Variants in SMARCC1 observed in about 807,000 individuals in gnomAD.
The protein encoded by SMARCC1 is SWI/SNF related BAF chromatin remodeling complex subunit C1.
SMARCC1 carries 43 observed loss-of-function variants against 147.4 expected under a neutral mutation model. The observed-to-expected ratio is 0.29, with a 90% CI of 0.23 to 0.38. The LOEUF is 0.38. Ranked by LOEUF, SMARCC1 falls within the 10% of genes least tolerant of loss-of-function variation. The pLI, the probability that SMARCC1 is intolerant of heterozygous loss-of-function variation, is 1.00. For missense variants in SMARCC1, 1,119 were observed against 1,381.1 expected, an observed-to-expected ratio of 0.81 and a Z score of 3.01; for synonymous variants, 495 against 484.4, an observed-to-expected ratio of 1.02 and a Z score of -0.29.
Position 47,686,029 on chromosome 3 carries a change from G to T in SMARCC1, c.1385+20C>A, listed in dbSNP as rs1340540156. 12 of 1,610,560 alleles carry T rather than the reference G, an allele frequency of 7.5e-6. No homozygotes were observed. The highest frequency in any genetic ancestry group is 1.0e-5 in the Non-Finnish European group (12 of 1,177,362). ...TGTACTGCTCAGTACCATGCTCACA[G>T]ATGGAAGTGGTCCACTCACCAGTTA... On this transcript the variant is annotated intron_variant, in intron 14 of 27. Coordinates refer to ENST00000254480, the MANE Select transcript of SMARCC1 (RefSeq NM_003074.4).
chr3:47,677,240 C>G lies in SMARCC1; in HGVS notation c.1572-458G>C, dbSNP rs140222868. Among the ~76,000 whole-genome samples, 22 of 152,226 alleles carry G rather than the reference C, an allele frequency of 1.4e-4. No homozygotes were observed. The East Asian group carries it at 4.1e-3, about 28-fold the overall frequency. On this transcript the variant is annotated intron_variant, in intron 16 of 27. Transcript: ENST00000254480. Reference sequence around the variant, plus strand: ...TCAGCCTCCCAAGTAGCTGGGATTACAGGTGACCATCACCATGCGCAGCTA... The same window carrying G: ...TCAGCCTCCCAAGTAGCTGGGATTAGAGGTGACCATCACCATGCGCAGCTA...
intron 6 of SMARCC1, among the ~76,000 whole-genome samples, chr3:47,727,669 G>A (rs967418152): frequency 3.3e-5 from 5 of 151,438 alleles, no homozygotes; most frequent in Non-Finnish European, 5.9e-5. Context: ...GGGCTAGAGC[G>A]CAGTGGTGCA....
intron 24 of SMARCC1, among the ~76,000 whole-genome samples, chr3:47,628,645 T>C (rs2032845094): frequency 1.3e-5 from 2 of 152,136 alleles, no homozygotes; most frequent in African/African-American, 4.8e-5. Flanking sequence ...TGATCTCAGC[T>C]CACTGAAATC....
rs994257259 is a variant in SMARCC1 at position 47,772,676 on chromosome 3, A to G, written c.315+141T>C. On this transcript the variant is annotated intron_variant, in intron 2 of 27. Coordinates refer to ENST00000254480, the MANE Select transcript of SMARCC1 (RefSeq NM_003074.4). ...CTTCCTACAGTTAAAAAATAGTAAT[A>G]TTCTATAACTAAAATTTGTTTTTTG... 1.5e-5 allele frequency: 10 copies of G among 685,460 alleles called. No individual in the cohort carries two copies. The African/African-American group carries it at 1.7e-4, about 11-fold the overall frequency. 42.5% of individuals were successfully genotyped at this position (685,460 alleles called of 1,614,324 possible).
At chr3:47,683,465 A>G (rs1400996610) in intron 14 of SMARCC1, among the ~76,000 whole-genome samples, 1 of 152,198 alleles carries the variant, frequency 6.6e-6, no homozygotes, top group East Asian at 1.9e-4. Flanking sequence ...ATTGTCTCCA[A>G]AAAGACTTCT....
At chr3:47,648,571 T>C (rs2033149040) in intron 21 of SMARCC1, among the ~76,000 whole-genome samples, 1 of 151,956 alleles carries the variant, frequency 6.6e-6, no homozygotes, top group Non-Finnish European at 1.5e-5. Context: ...TTCTTTTTTG[T>C]AGAGACGAGG....
At chr3:47,743,376 T>C (rs941349531) in intron 3 of SMARCC1, among the ~76,000 whole-genome samples, 1 of 152,234 alleles carries the variant, frequency 6.6e-6, no homozygotes, top group Non-Finnish European at 1.5e-5. Flanking sequence ...ATGCTAACCC[T>C]ATCCTTTACG....
At chr3:47,661,604 G>T in intron 20 of SMARCC1, 149 bp from the exon 21 acceptor site, 1 of 541,842 alleles carries the variant, frequency 1.8e-6, no homozygotes, top group South Asian at 3.0e-5. Context: ...CCAGAAAAAT[G>T]AGAGGACTAA....
Position 47,720,148 on chromosome 3 carries a change from G to A in SMARCC1, c.716+518C>T, listed in dbSNP as rs562450889. Among the ~76,000 whole-genome samples, 11 of 152,208 alleles carry A rather than the reference G, an allele frequency of 7.2e-5. No homozygotes were observed. The South Asian group carries it at 2.3e-3, about 32-fold the overall frequency. The stretch of plus-strand genomic sequence containing the variant: ...TTTGTTTTTGGTTTTTTTTGAGACG[G>A]AGTCTCACTCCGTTGCCCAGGCTGG... On this transcript the variant is annotated intron_variant, in intron 7 of 27. Transcript: ENST00000254480.
At chr3:47,605,244 T>C (rs557119571) in intron 26 of SMARCC1, among the ~76,000 whole-genome samples, 2 of 152,304 alleles carry the variant, frequency 1.3e-5, no homozygotes, top group South Asian at 4.1e-4. Flanking sequence ...TTCTACACCT[T>C]AGGGATATAT....
chr3:47,722,180 T>C (rs2034240811), intron 6 of SMARCC1, among the ~76,000 whole-genome samples: 1 of 151,422 alleles, frequency 6.6e-6, no homozygotes, highest in Admixed American at 6.6e-5. Flanking sequence ...GTGTTCTAAC[T>C]AGTAAAAGCT....
chr3:47,775,711 G>A (rs928994855), intron 1 of SMARCC1, among the ~76,000 whole-genome samples: 1 of 151,978 alleles, frequency 6.6e-6, no homozygotes, highest in Non-Finnish European at 1.5e-5. Context: ...GGCGCAGGCT[G>A]TAGCGAACCC....
chr3:47,742,170 T>C (rs1305997525), intron 3 of SMARCC1, among the ~76,000 whole-genome samples: 2 of 152,224 alleles, frequency 1.3e-5, no homozygotes, highest in East Asian at 3.9e-4. Flanking sequence ...GGGTTGAAGC[T>C]TGAACATCTA....
chr3:47,767,276 G>C (rs568010046), intron 2 of SMARCC1, among the ~76,000 whole-genome samples: 233 of 103,536 alleles, frequency 2.3e-3, no homozygotes, highest in African/African-American at 8.2e-3. Context: ...TTTCGCTCTT[G>C]TTGCCCAGGC....
chr3:47,666,009 TA>T (rs1325664385), intron 19 of SMARCC1, among the ~76,000 whole-genome samples: 1 of 152,184 alleles, frequency 6.6e-6, no homozygotes, highest in Non-Finnish European at 1.5e-5. Context: ...TAGGGTGAAA[TA>T]TGTTTTACAT....
chr3:47,722,204 C>G (rs976930072), intron 6 of SMARCC1, among the ~76,000 whole-genome samples: 3 of 151,076 alleles, frequency 2.0e-5, no homozygotes, highest in East Asian at 3.9e-4. Flanking sequence ...TTTCAGAATA[C>G]TGAGTCCATT....
At chr3:47,714,922 AT>A (rs1345360685) in intron 7 of SMARCC1, among the ~76,000 whole-genome samples, 4 of 152,186 alleles carry the variant, frequency 2.6e-5, no homozygotes, top group Non-Finnish European at 5.9e-5. Flanking sequence ...CCAGTAACGT[AT>A]ATATTGCTAA....
At chr3:47,779,519 C>G (rs182494305) in intron 1 of SMARCC1, among the ~76,000 whole-genome samples, 8 of 152,310 alleles carry the variant, frequency 5.3e-5, no homozygotes, top group South Asian at 2.1e-4. Flanking sequence ...TAGAAATACA[C>G]TCTGGCTTTA....
chr3:47,766,622 C>T (rs2034843985), intron 2 of SMARCC1, among the ~76,000 whole-genome samples: 1 of 152,082 alleles, frequency 6.6e-6, no homozygotes, highest in African/African-American at 2.4e-5. Flanking sequence ...ATTATGTTTA[C>T]ATTATGTATG....
Sources: allele counts gnomAD v4.1 joint callset (sites outside exome capture counted in the v4.1 genomes callset), GRCh38; gene constraint gnomAD v4.1.1; transcripts MANE v1.5; gene names NCBI Gene and HGNC (gene_info 2026-07-23, HGNC 2026-07-21).